The following CAST variants were observed in gnomAD, a reference collection of about 807,000 sequenced individuals.
CAST encodes the protein MIR583 host.
Under a neutral mutation model 119.6 loss-of-function variants are expected in CAST, and 76 were observed. The observed-to-expected ratio is 0.64, with a 90% CI of 0.53 to 0.77. The LOEUF (loss-of-function observed/expected upper bound fraction) is 0.77, where lower values mean the gene tolerates loss of function less well. Among genes scored for constraint, CAST ranks in the 30% least tolerant of loss-of-function variants. The pLI is 0.00. For missense variants in CAST, 953 were observed against 946.5 expected, an observed-to-expected ratio of 1.01 and a Z score of -0.09; for synonymous variants, 319 against 331.6, an observed-to-expected ratio of 0.96 and a Z score of 0.41.
chr5:96,233,030 C>T, the CAST span, among the ~76,000 whole-genome samples: 3 of 151,962 alleles, frequency 2.0e-5, no homozygotes, highest in African/African-American at 7.2e-5. Flanking sequence ...ACCTAACAAC[C>T]CACCAGTAAG....
chr5:96,689,060 G>C (rs73774387), intron 2 of CAST, among the ~76,000 whole-genome samples: 1,740 of 152,184 alleles, frequency 0.011, 37 homozygotes, highest in African/African-American at 0.039. Context: ...CTTAAATACA[G>C]ACAGAAAATA....
chr5:96,031,335 G>A, the CAST span, among the ~76,000 whole-genome samples: 1 of 151,452 alleles, frequency 6.6e-6, no homozygotes, highest in Non-Finnish European at 1.5e-5. Flanking sequence ...GTAATTAACA[G>A]ATGGTCCTTG....
At chr5:96,543,828 T>C (rs1412518976) in intron 1 of CAST, among the ~76,000 whole-genome samples, 4 of 152,252 alleles carry the variant, frequency 2.6e-5, no homozygotes, top group Non-Finnish European at 5.9e-5. Flanking sequence ...TCTTTCTCTA[T>C]TAAATTACCT....
chr5:96,051,949 T>G, the CAST span, among the ~76,000 whole-genome samples: 1 of 152,042 alleles, frequency 6.6e-6, no homozygotes, highest in African/African-American at 2.4e-5. Context: ...TACAATACCA[T>G]TTTTTTAACA....
chr5:96,441,170 CATA>C, the CAST span, among the ~76,000 whole-genome samples: 1 of 152,152 alleles, frequency 6.6e-6, no homozygotes, highest in African/African-American at 2.4e-5. Context: ...ACCCTAGTTA[CATA>C]ATAGTTTCTT....
intron 28 of CAST, 43 bp from the exon 29 acceptor site, chr5:96,767,863 GC>G: frequency 4.8e-6 from 6 of 1,238,756 alleles, no homozygotes; most frequent in African/African-American, 1.5e-5. Context: ...ATTGCATTTT[GC>G]CTTCTGCTTC....
chr5:96,423,185 C>T, the CAST span: 11 of 846,390 alleles, frequency 1.3e-5, no homozygotes, highest in South Asian at 5.8e-5. Flanking sequence ...GGAGAAGGGA[C>T]ATAACCTTGG....
chr5:96,362,272 T>C, the CAST span, among the ~76,000 whole-genome samples: 1 of 152,260 alleles, frequency 6.6e-6, no homozygotes, highest in Non-Finnish European at 1.5e-5. Flanking sequence ...TTTGCTATTG[T>C]GAACAGTGCC....
chr5:96,423,908 A>C, the CAST span, among the ~76,000 whole-genome samples: 108,105 of 152,114 alleles, frequency 0.71, 39,496 homozygotes, highest in African/African-American at 0.89. Flanking sequence ...TAGAATTTTT[A>C]TTCTAAAGGA....
intron 1 of CAST, among the ~76,000 whole-genome samples, chr5:96,559,535 A>G (rs1347598185): frequency 6.6e-6 from 1 of 152,230 alleles, no homozygotes; most frequent in Admixed American, 6.5e-5. Flanking sequence ...TCAATGTGCA[A>G]AAATCACAAG....
At chr5:96,207,497 G>A in the CAST span, among the ~76,000 whole-genome samples, 1 of 152,070 alleles carries the variant, frequency 6.6e-6, no homozygotes, top group Non-Finnish European at 1.5e-5. Flanking sequence ...TTTGTTGCAA[G>A]TTTTTAACAT....
At chr5:96,468,170 C>T in the CAST span, among the ~76,000 whole-genome samples, 1 of 151,962 alleles carries the variant, frequency 6.6e-6, no homozygotes, top group African/African-American at 2.4e-5. Flanking sequence ...TAAGTAAGAG[C>T]TGAGCTATGG....
chr5:96,398,799 A>T, the CAST span: 1 of 1,149,672 alleles, frequency 8.7e-7, no homozygotes, highest in Non-Finnish European at 1.3e-6. Flanking sequence ...TTGTTCTATG[A>T]ATAAACAAAA....
chr5:96,426,350 A>G, the CAST span, among the ~76,000 whole-genome samples: 1 of 152,198 alleles, frequency 6.6e-6, no homozygotes, highest in Non-Finnish European at 1.5e-5. Flanking sequence ...ATGCTTTTAT[A>G]GATTAATTTC....
the CAST span, among the ~76,000 whole-genome samples, chr5:96,293,111 CA>C: frequency 1.3e-5 from 2 of 152,196 alleles, no homozygotes; most frequent in African/African-American, 4.8e-5. Flanking sequence ...GGCCTCCATT[CA>C]CATGATCTAG....
At chr5:96,514,024 T>C in the CAST span, among the ~76,000 whole-genome samples, 1 of 152,194 alleles carries the variant, frequency 6.6e-6, no homozygotes, top group Non-Finnish European at 1.5e-5. Context: ...TGTGTAGGTG[T>C]CAGTGCCTCT....
chr5:96,757,539 C>G, intron 23 of CAST, 44 bp from the exon 24 acceptor site: 1 of 1,611,510 alleles, frequency 6.2e-7, no homozygotes, highest in Non-Finnish European at 8.5e-7. Context: ...CCTTTTGGCC[C>G]TGATTGCAAT....
the CAST span, among the ~76,000 whole-genome samples, chr5:96,368,098 A>G: frequency 6.6e-6 from 1 of 152,066 alleles, no homozygotes; most frequent in Admixed American, 6.6e-5. Context: ...ACCTTATAGT[A>G]TCCTTTAATT....
intron 20 of CAST, 49 bp downstream of exon 20, chr5:96,750,731 C>A: frequency 9.6e-7 from 1 of 1,037,850 alleles, no homozygotes; most frequent in Non-Finnish European, 1.5e-6. Context: ...AAGTTTTCTG[C>A]CTCCTCCTGT....
Sources: gnomAD v4.1 joint callset for allele counts (sites outside exome capture counted in the v4.1 genomes callset) on GRCh38, gnomAD v4.1.1 for gene constraint, MANE v1.5 for transcripts, NCBI Gene and HGNC (gene_info 2026-07-23, HGNC 2026-07-21) for gene names.